Variants in NKAIN3 observed in about 807,000 individuals in gnomAD.
NKAIN3 encodes the protein sodium/potassium transporting ATPase interacting 3.
NKAIN3 carries 25 observed loss-of-function variants against 30.2 expected under a neutral mutation model. The ratio of observed to expected loss-of-function variants is 0.83; its 90% CI spans 0.60 to 1.16. The LOEUF is 1.16. Among genes scored for constraint, NKAIN3 ranks in the 50% most tolerant of loss-of-function variants. The pLI, the probability that NKAIN3 is intolerant of heterozygous loss-of-function variation, is 0.00. For synonymous variants in NKAIN3, 91 were observed against 89.6 expected (o/e 1.02, Z -0.09); for missense variants, 225 against 254.1 (o/e 0.89, Z 0.78).
At chr8:62,561,212 G>A (rs1192299431) in intron 1 of NKAIN3, among the ~76,000 whole-genome samples, 2 of 152,098 alleles carry the variant, frequency 1.3e-5, no homozygotes, top group Non-Finnish European at 2.9e-5. Context: ...AGAAAACCCA[G>A]GGAAATCATC....
intron 4 of NKAIN3, among the ~76,000 whole-genome samples, chr8:62,866,337 T>C (rs1820413619): frequency 6.6e-6 from 1 of 152,224 alleles, no homozygotes; most frequent in Non-Finnish European, 1.5e-5. Flanking sequence ...TCCTCACAGC[T>C]CAAAGGTAAC....
chr8:62,571,978 C>T (rs1314308682), intron 1 of NKAIN3, among the ~76,000 whole-genome samples: 1 of 152,160 alleles, frequency 6.6e-6, no homozygotes, highest in Non-Finnish European at 1.5e-5. Context: ...ACATTTTCCC[C>T]ATTGTCTTGG....
chr8:62,564,066 C>G (rs988098638), intron 1 of NKAIN3, among the ~76,000 whole-genome samples: 9 of 152,312 alleles, frequency 5.9e-5, no homozygotes, highest in Middle Eastern at 3.4e-3. Flanking sequence ...GGGATTCAAA[C>G]ACATTAGCTT....
At chr8:62,954,725 C>A (rs1314170209) in intron 6 of NKAIN3, among the ~76,000 whole-genome samples, 1 of 152,208 alleles carries the variant, frequency 6.6e-6, no homozygotes, top group Non-Finnish European at 1.5e-5. Context: ...CATACACTAA[C>A]CACTTTGCAT....
chr8:62,516,437 G>T (rs1300895527), intron 1 of NKAIN3, among the ~76,000 whole-genome samples: 2 of 152,036 alleles, frequency 1.3e-5, no homozygotes, highest in Non-Finnish European at 2.9e-5. Flanking sequence ...CTTAATATGT[G>T]TGTTCATATA....
Position 62,979,225 on chromosome 8 carries a change from G to C in NKAIN3, c.*13818G>C, listed in dbSNP as rs1447650078. The C allele has an allele frequency of 6.6e-6, 1 of 152,250 alleles. No individual in the cohort carries two copies. The allele number at this position is 152,250 out of a possible 1,614,324, so 9.4% of individuals were successfully genotyped here. On this transcript the variant is annotated 3_prime_UTR_variant, in exon 7 of 7. Transcript: ENST00000623646. ...CTTCCTAGGCTGGGTGTGTGTGTGTGAAAGAGAGAGAGAAACAGAAACAGA... is the reference window on the plus strand; with the variant it reads ...CTTCCTAGGCTGGGTGTGTGTGTGTCAAAGAGAGAGAGAAACAGAAACAGA...
chr8:62,454,494 A>G (rs978533873), intron 1 of NKAIN3, among the ~76,000 whole-genome samples: 7 of 151,852 alleles, frequency 4.6e-5, no homozygotes, highest in Non-Finnish European at 1.0e-4. Flanking sequence ...CTCCTGCCCT[A>G]TAATTTTTAT....
intron 3 of NKAIN3, among the ~76,000 whole-genome samples, chr8:62,624,281 A>G (rs1172510459): frequency 6.6e-6 from 1 of 152,004 alleles, no homozygotes; most frequent in African/African-American, 2.4e-5. Context: ...ACCTCCTGCC[A>G]ATGCAGCCCA....
intron 4 of NKAIN3, among the ~76,000 whole-genome samples, chr8:62,798,059 T>C (rs1817922005): frequency 6.6e-6 from 1 of 152,094 alleles, no homozygotes; most frequent in South Asian, 2.1e-4. Context: ...GTGTGAAAAC[T>C]GAGACACATG....
chr8:62,919,810 C>T (rs11992904), intron 5 of NKAIN3, among the ~76,000 whole-genome samples: 212 of 151,864 alleles, frequency 1.4e-3, no homozygotes, highest in African/African-American at 5.0e-3. Flanking sequence ...GGTCTTGTCT[C>T]AATTTATTTG....
At chr8:62,496,914 T>G (rs547171434) in intron 1 of NKAIN3, among the ~76,000 whole-genome samples, 1 of 152,250 alleles carries the variant, frequency 6.6e-6, no homozygotes, top group African/African-American at 2.4e-5. Flanking sequence ...ACTGGTGCAG[T>G]GATTCCCTAG....
At chr8:62,949,070 C>T (rs2130891880) in intron 5 of NKAIN3, among the ~76,000 whole-genome samples, 1 of 152,292 alleles carries the variant, frequency 6.6e-6, no homozygotes, top group African/African-American at 2.4e-5. Context: ...GGTGACTCTC[C>T]CCATAGCCCC....
chr8:62,521,934 G>A (rs1808172636), intron 1 of NKAIN3, among the ~76,000 whole-genome samples: 1 of 152,108 alleles, frequency 6.6e-6, no homozygotes, highest in African/African-American at 2.4e-5. Context: ...TTAGGAATGA[G>A]GGACTAGAAG....
chr8:62,408,199 T>C (rs1256062003), intron 1 of NKAIN3, among the ~76,000 whole-genome samples: 3 of 152,212 alleles, frequency 2.0e-5, no homozygotes, highest in African/African-American at 7.2e-5. Context: ...CAGCTCTACT[T>C]ATTCATCACA....
intron 4 of NKAIN3, among the ~76,000 whole-genome samples, chr8:62,837,008 A>G (rs1309548840): frequency 6.6e-6 from 1 of 152,166 alleles, no homozygotes; most frequent in East Asian, 1.9e-4. Flanking sequence ...AAGTTCACTC[A>G]CAGAGGAGAC....
intron 5 of NKAIN3, among the ~76,000 whole-genome samples, chr8:62,996,167 A>G (rs1003198587): frequency 3.3e-5 from 5 of 150,796 alleles, no homozygotes; most frequent in African/African-American, 1.2e-4. Flanking sequence ...TATAAAGGAA[A>G]GTGGTTGAAT....
chr8:62,720,086 C>A lies in NKAIN3; in HGVS notation c.274-26846C>A, dbSNP rs183881060. On this transcript the variant is annotated intron_variant, in intron 3 of 6. Transcript: ENST00000623646. ...TTTCTATCAGATGCAAGAATTATCA[C>A]AATTCAGATATAGACACTAAACAAA... is the stretch of plus-strand genomic sequence containing the variant. Among the ~76,000 whole-genome samples, 159 of 152,064 alleles carry A rather than the reference C, an allele frequency of 1.0e-3. 1 individual carries two copies. The highest frequency in any genetic ancestry group is 3.7e-3 in the African/African-American group (153 of 41,480).
In NKAIN3 at chr8:62,718,737, CT is replaced by C. The variant is rs947007650; in HGVS notation, c.274-28185del. Among the ~76,000 whole-genome samples, 328 of 147,900 alleles carry C rather than the reference CT, an allele frequency of 2.2e-3. 3 individuals are homozygous for C. The highest frequency in any genetic ancestry group is 7.2e-3 in the African/African-American group (289 of 40,310). On this transcript the variant is annotated intron_variant, in intron 3 of 6. Coordinates refer to ENST00000623646, the MANE Select transcript of NKAIN3 (RefSeq NM_001304533.3). Reference sequence around the variant, plus strand: ...CCATTTTCTTTGCTATATTCCTTTACTTTTTTTTTTATAATGTACTTCCTCA... The same window carrying C: ...CCATTTTCTTTGCTATATTCCTTTACTTTTTTTTTATAATGTACTTCCTCA...
chr8:62,713,571 A>G (rs1031006785), intron 3 of NKAIN3, among the ~76,000 whole-genome samples: 2 of 152,230 alleles, frequency 1.3e-5, no homozygotes, highest in African/African-American at 4.8e-5. Context: ...TGTCACTAAT[A>G]AACACCAAGA....
Sources: allele counts gnomAD v4.1 joint callset (sites outside exome capture counted in the v4.1 genomes callset), GRCh38; gene constraint gnomAD v4.1.1; transcripts MANE v1.5; gene names NCBI Gene and HGNC (gene_info 2026-07-23, HGNC 2026-07-21).